Variants in CTNNBIP1 observed in about 807,000 individuals in gnomAD.
CTNNBIP1 encodes catenin beta interacting protein 1.
CTNNBIP1 carries 7 observed loss-of-function variants against 11.8 expected under a neutral mutation model. That is an observed-to-expected ratio of 0.60 (90% CI 0.34 to 1.12). CTNNBIP1 has a LOEUF of 1.12. Ranked by LOEUF, CTNNBIP1 falls within the 50% of genes most tolerant of loss-of-function variation. The pLI is 0.03. For synonymous variants in CTNNBIP1, 58 were observed against 43.9 expected (o/e 1.32, Z -1.26); for missense variants, 101 against 113.4 (o/e 0.89, Z 0.50).
At chr1:9,881,445 T>C (rs762972429) in intron 2 of CTNNBIP1, among the ~76,000 whole-genome samples, 7 of 150,214 alleles carry the variant, frequency 4.7e-5, no homozygotes, top group Non-Finnish European at 8.9e-5. Flanking sequence ...GTTCAAGCCA[T>C]TCTCTTCCCT....
At chr1:9,910,063 C>G (rs1048610552) in intron 1 of CTNNBIP1, 32 bp downstream of exon 1, 21 of 147,372 alleles carry the variant, frequency 1.4e-4, no homozygotes, top group Admixed American at 3.4e-4. Flanking sequence ...CGGGCCCGGG[C>G]GGTGCAGGCG....
Position 9,910,138 on chromosome 1 carries a change from G to A in CTNNBIP1, c.-187C>T, listed in dbSNP as rs1234431948. The A allele has an allele frequency of 6.8e-6, 1 of 146,814 alleles. No homozygotes were observed. The highest frequency in any genetic ancestry group is 2.4e-5 in the African/African-American group (1 of 40,942). The allele number at this position is 146,814 out of a possible 1,614,324, so 9.1% of individuals were successfully genotyped here. ...CCGGGCCGGCAGGGGCAGCGGGTCC[G>A]GCGCGCAGCGCGCGGCGGCCTGTTC... On this transcript the variant is annotated 5_prime_UTR_variant, in exon 1 of 6. Transcript: ENST00000377263.
chr1:9,874,284 G>A (rs6686710), intron 3 of CTNNBIP1, among the ~76,000 whole-genome samples: 19,546 of 152,094 alleles, frequency 0.13, 4,149 homozygotes, highest in African/African-American at 0.44. Context: ...GCCTTCCCTG[G>A]CAGTTGCTCT....
Position 9,850,760 on chromosome 1 carries a change from C to T in CTNNBIP1, c.204G>A (p.Val68=). The change falls in exon 6 of 6, where the codon GTG becomes GTA. Residue 68 remains valine (V), a synonymous_variant. Coordinates refer to ENST00000377263, the MANE Select transcript of CTNNBIP1 (RefSeq NM_020248.3). ...HSIDQGAEDV[V]MAFSRSETED... ...CCGTCTCCGACCTGGAAAACGCCAT[C>T]ACCACGTCCTCTGCACCTGCAGATA... 6.2e-7 allele frequency: 1 copy of T among 1,613,932 alleles called. No homozygotes were observed. The highest frequency in any genetic ancestry group is 8.5e-7 in the Non-Finnish European group (1 of 1,179,880).
rs1638379384 is a variant in CTNNBIP1 at position 9,851,263 on chromosome 1, C to T, written c.188-487G>A. On this transcript the variant is annotated intron_variant, in intron 5 of 5. Coordinates refer to ENST00000377263, the MANE Select transcript of CTNNBIP1 (RefSeq NM_020248.3). This position sits in a 1 kb window ranked among gnomAD's most constrained non-coding sequence, Gnocchi z 4.8. ...CTTCTCCTTCACCCAAACCCAACACCTCTTCCAAGAAGTATGGCCGGGCCC... is the reference window on the plus strand; with the variant it reads ...CTTCTCCTTCACCCAAACCCAACACTTCTTCCAAGAAGTATGGCCGGGCCC... 6.6e-6 allele frequency among the ~76,000 whole-genome samples: 1 copy of T among 152,182 alleles called. No individual in the cohort carries two copies. Among genetic ancestry groups the T allele is most frequent in the Non-Finnish European group, 1.5e-5 (1 of 68,040 alleles).
chr1:9,910,265 G>C lies in CTNNBIP1; in HGVS notation c.-314C>G, dbSNP rs906664724. The stretch of plus-strand genomic sequence containing the variant: ...TCCCGCTCCGAGAGTCACCGCGGTG[G>C]GGAGGGAGGGAGGCGCCAGGCCGCC... On this transcript the variant is annotated 5_prime_UTR_variant, in exon 1 of 6. Transcript: ENST00000377263. 6 of 147,852 alleles carry C rather than the reference G, an allele frequency of 4.1e-5. No individual in the cohort carries two copies. The highest frequency in any genetic ancestry group is 4.0e-4 in the Admixed American group (6 of 14,830). 9.2% of individuals were successfully genotyped at this position (147,852 alleles called of 1,614,324 possible). A position where few individuals can be genotyped will look rare whatever the true frequency, so the allele number is the denominator to read the frequency against.
chr1:9,909,260 A>C (rs1639682447), intron 1 of CTNNBIP1, among the ~76,000 whole-genome samples: 2 of 152,204 alleles, frequency 1.3e-5, no homozygotes, highest in South Asian at 4.1e-4. Context: ...CAGGAGACAA[A>C]ATAATTCACA....
At chr1:9,909,469 C>G (rs939193670) in intron 1 of CTNNBIP1, among the ~76,000 whole-genome samples, 1 of 152,110 alleles carries the variant, frequency 6.6e-6, no homozygotes, top group Non-Finnish European at 1.5e-5. Context: ...GTGTCCAGAC[C>G]TGAGTGTCTC....
At chr1:9,887,776 T>A (rs147027973) in intron 1 of CTNNBIP1, among the ~76,000 whole-genome samples, 1 of 151,934 alleles carries the variant, frequency 6.6e-6, no homozygotes, top group East Asian at 1.9e-4. Flanking sequence ...CCACTGCCAA[T>A]CAGAGATTAA....
intron 1 of CTNNBIP1, among the ~76,000 whole-genome samples, chr1:9,907,849 G>A (rs1243989816): frequency 6.6e-6 from 1 of 152,170 alleles, no homozygotes; most frequent in African/African-American, 2.4e-5. Flanking sequence ...CCAGGCAGCT[G>A]CAATAGTCTG....
At chr1:9,882,812 G>A (rs772797767) in intron 2 of CTNNBIP1, among the ~76,000 whole-genome samples, 9 of 152,202 alleles carry the variant, frequency 5.9e-5, no homozygotes, top group Non-Finnish European at 1.2e-4. Flanking sequence ...CTGGGACTGA[G>A]AAGCCCATGG....
At chr1:9,893,889 G>A (rs1639355177) in intron 1 of CTNNBIP1, among the ~76,000 whole-genome samples, 1 of 152,050 alleles carries the variant, frequency 6.6e-6, no homozygotes, top group African/African-American at 2.4e-5. Context: ...TCCGAAAAAA[G>A]AATAACTCAC....
intron 5 of CTNNBIP1, among the ~76,000 whole-genome samples, chr1:9,865,609 AC>A (rs1638728354): frequency 6.6e-6 from 1 of 152,132 alleles, no homozygotes. Flanking sequence ...GTCTCAAAAA[AC>A]AAAACAAAAC....
At chr1:9,896,916 G>A (rs1283223115) in intron 1 of CTNNBIP1, among the ~76,000 whole-genome samples, 4 of 150,608 alleles carry the variant, frequency 2.7e-5, no homozygotes, top group East Asian at 2.0e-4. Context: ...GCAGTGAGCC[G>A]AGATCGTGCC....
At chr1:9,909,910 C>A (rs1469376452) in intron 1 of CTNNBIP1, among the ~76,000 whole-genome samples, 185 bp downstream of exon 1, 4 of 151,892 alleles carry the variant, frequency 2.6e-5, no homozygotes, top group South Asian at 2.1e-4. Flanking sequence ...AGGTGGTCTG[C>A]GGCGAGAGGC....
Position 9,867,823 on chromosome 1 carries a change from G to A in CTNNBIP1, c.187+3364C>T, listed in dbSNP as rs17034401. On this transcript the variant is annotated intron_variant, in intron 5 of 5. Coordinates refer to ENST00000377263, the MANE Select transcript of CTNNBIP1 (RefSeq NM_020248.3). The surrounding 1 kb of genome is among the most constrained non-coding windows in gnomAD (Gnocchi z 4.6). ...CTAAGCAGTGTCTGAGCCTCTGACA[G>A]CAGGATCCTGCAGCATCAGCTGAGA... is the stretch of plus-strand genomic sequence containing the variant. Among the ~76,000 whole-genome samples, 1,358 of 152,310 alleles carry A rather than the reference G, an allele frequency of 8.9e-3. 19 individuals carry two copies. The highest frequency in any genetic ancestry group is 0.03 in the African/African-American group (1,253 of 41,556).
rs565409345 is a variant in CTNNBIP1, at chr1:9,868,547, C to T, written c.187+2640G>A. 2.6e-5 allele frequency among the ~76,000 whole-genome samples: 4 copies of T among 152,228 alleles called. No individual in the cohort carries two copies. The East Asian group carries it at 5.8e-4, about 22-fold the overall frequency. On this transcript the variant is annotated intron_variant, in intron 5 of 5. Transcript: ENST00000377263. ...CCCTTATGACAAAGAAACAAATGTA[C>T]AATGTTAAAATATTAGTTTTACAAA...
chr1:9,904,159 G>A (rs775178074), intron 1 of CTNNBIP1, among the ~76,000 whole-genome samples: 2 of 152,108 alleles, frequency 1.3e-5, no homozygotes, highest in East Asian at 1.9e-4. Flanking sequence ...CCCACTCTGC[G>A]TTTAGTTTTT....
At chr1:9,865,836 A>G (rs998733247) in intron 5 of CTNNBIP1, among the ~76,000 whole-genome samples, 2 of 152,190 alleles carry the variant, frequency 1.3e-5, no homozygotes, top group African/African-American at 2.4e-5. Context: ...ATAACTGGGA[A>G]AAAAATCACT....
Sources: gnomAD v4.1 joint callset for allele counts (sites outside exome capture counted in the v4.1 genomes callset) on GRCh38, gnomAD v4.1.1 for gene constraint, Gnocchi (gnomAD v3.1) non-coding constraint, MANE v1.5 for transcripts, NCBI Gene and HGNC (gene_info 2026-07-23, HGNC 2026-07-21) for gene names.